Variants in MROH1 observed in about 807,000 individuals in gnomAD.
MROH1 encodes the protein maestro heat like repeat family member 1.
MROH1 carries 117 observed loss-of-function variants against 116.5 expected under a neutral mutation model. The ratio of observed to expected loss-of-function variants is 1.00; its 90% CI spans 0.86 to 1.17. The LOEUF (loss-of-function observed/expected upper bound fraction) is 1.17. Among genes scored for constraint, MROH1 ranks in the 50% most tolerant of loss-of-function variants. The pLI is 0.00. For missense variants in MROH1, 1,873 were observed against 1,338.5 expected (o/e 1.40, Z -6.23); for synonymous variants, 921 against 583.9 (o/e 1.58, Z -8.32).
In MROH1 at chr8:144,260,797, C is replaced by T; in HGVS notation, c.4501C>T (p.Leu1501=). The T allele has an allele frequency of 1.3e-6, 1 of 778,198 alleles. No individual in the cohort carries two copies. Among genetic ancestry groups the T allele is most frequent in the Admixed American group, 1.7e-5 (1 of 59,040 alleles). The allele number at this position is 778,198 out of a possible 1,614,324, so 48.2% of individuals were successfully genotyped here. ...GGTGGGCGGGCTGGCGCCCCTGCTG[C>T]TGCACCTGCAGGACCCTCAGGCCAC... ...QVVGGLAPLL[L]HLQDPQATVA... is the part of the protein sequence containing the mutation. The change falls in exon 40 of 44, where the codon CTG becomes TTG. Residue 1501 remains leucine, a synonymous_variant. Coordinates refer to ENST00000326134, the MANE Select transcript of MROH1 (RefSeq NM_032450.3).
chr8:144,157,824 G>T (rs7821909), intron 1 of MROH1, among the ~76,000 whole-genome samples: 1 of 150,860 alleles, frequency 6.6e-6, no homozygotes, highest in African/African-American at 2.4e-5. Flanking sequence ...ACTACAGGTG[G>T]GTGCCACCAT....
intron 5 of MROH1, among the ~76,000 whole-genome samples, chr8:144,179,885 T>C (rs922674580): frequency 1.3e-5 from 2 of 152,010 alleles, no homozygotes; most frequent in Admixed American, 6.6e-5. Flanking sequence ...TGCAGGGCTC[T>C]GGTGGGCCTA....
At position 144,260,815 on chromosome 8, in the gene MROH1, C is replaced by G. The variant is rs1342580583; in HGVS notation, c.4519C>G (p.Gln1507Glu). 2.4e-5 allele frequency: 19 copies of G among 778,106 alleles called. No homozygotes were observed. The highest frequency in any genetic ancestry group is 5.1e-5 in the Admixed American group (3 of 59,034). 48.2% of individuals were successfully genotyped at this position (778,106 alleles called of 1,614,324 possible). A position where few individuals can be genotyped will look rare whatever the true frequency, so the allele number is the denominator to read the frequency against. ...CCTGCTGCTGCACCTGCAGGACCCT[C>G]AGGCCACCGTGGCCAGCGTGAGTAG... ...APLLLHLQDP[Q>E]ATVASACRFA... Residue 1507 changes from glutamine (Q) to glutamate (E), a missense_variant, in exon 40 of 44, where the codon CAG becomes GAG. Transcript: ENST00000326134.
intron 35 of MROH1, among the ~76,000 whole-genome samples, chr8:144,257,688 C>T (rs1030911975): frequency 6.6e-6 from 1 of 152,228 alleles, no homozygotes; most frequent in Non-Finnish European, 1.5e-5. Flanking sequence ...CCTGCTAGGC[C>T]CACTCCACGT....
intron 1 of MROH1, among the ~76,000 whole-genome samples, chr8:144,151,788 C>T (rs1191366586): frequency 6.6e-6 from 1 of 152,210 alleles, no homozygotes; most frequent in Non-Finnish European, 1.5e-5. Context: ...TCTCTGTGCT[C>T]CCCCTAGAGG....
Position 144,180,084 on chromosome 8 carries a change from G to C in MROH1, c.301-94G>C. On this transcript the variant is annotated intron_variant, in intron 5 of 43. Coordinates refer to ENST00000326134, the MANE Select transcript of MROH1 (RefSeq NM_032450.3). This position sits in a 1 kb window ranked among gnomAD's most constrained non-coding sequence, Gnocchi z 7.4. ...CTGACCTGCACTTTCTGGGGACGCT[G>C]AAAACAGCGTGCGCTTGTCCAAGGC... The C allele has an allele frequency of 6.6e-7, 1 of 1,504,010 alleles. No individual in the cohort carries two copies. Among genetic ancestry groups the C allele is most frequent in the East Asian group, 2.3e-5 (1 of 44,022 alleles). 93.2% of individuals were successfully genotyped at this position (1,504,010 alleles called of 1,614,324 possible).
chr8:144,215,683 A>G (rs1445035191), intron 12 of MROH1, among the ~76,000 whole-genome samples: 3 of 151,586 alleles, frequency 2.0e-5, no homozygotes, highest in East Asian at 1.9e-4. Flanking sequence ...CATCCTGGCT[A>G]ACACGGTGAA....
chr8:144,243,425 A>C, intron 24 of MROH1, 69 bp from the exon 25 acceptor site: 1 of 766,914 alleles, frequency 1.3e-6, no homozygotes. Context: ...AGGAAAGAAA[A>C]GGGGGTATGC....
intron 33 of MROH1, chr8:144,250,734 T>A: frequency 2.6e-6 from 1 of 389,478 alleles, no homozygotes; most frequent in Non-Finnish European, 4.9e-6. Flanking sequence ...TTCCGGCTAC[T>A]CCAAGCCTTG....
chr8:144,241,197 C>G, intron 21 of MROH1, 86 bp downstream of exon 21: 1 of 706,172 alleles, frequency 1.4e-6, no homozygotes. Context: ...AGCTGGCTAG[C>G]CTGTGTGCCT....
intron 1 of MROH1, 125 bp from the exon 2 acceptor site, chr8:144,160,845 A>T (rs1819350975): frequency 6.6e-6 from 1 of 152,616 alleles, no homozygotes; most frequent in Non-Finnish European, 1.5e-5. Flanking sequence ...TTGGAGTCAG[A>T]AGTCTACCAA....
At chr8:144,240,406 A>G (rs1840765345) in intron 19 of MROH1, among the ~76,000 whole-genome samples, 164 bp from the exon 20 acceptor site, 2 of 152,058 alleles carry the variant, frequency 1.3e-5, no homozygotes, top group Non-Finnish European at 2.9e-5. Flanking sequence ...TGGTGAGCCA[A>G]CTGTGGCATG....
intron 14 of MROH1, among the ~76,000 whole-genome samples, chr8:144,237,591 T>C (rs1840271118): frequency 6.6e-6 from 1 of 152,286 alleles, no homozygotes; most frequent in Admixed American, 6.5e-5. Flanking sequence ...TAGCTTTTTC[T>C]TCTTCCATTC....
At chr8:144,201,480 C>T (rs1196825868) in intron 12 of MROH1, among the ~76,000 whole-genome samples, 2 of 152,240 alleles carry the variant, frequency 1.3e-5, no homozygotes, top group Non-Finnish European at 2.9e-5. Flanking sequence ...CCCACCGGCC[C>T]TGCAGCCTGC....
chr8:144,226,402 C>CGGCATCTGTCATCATCTGT (rs1370158222), intron 14 of MROH1, among the ~76,000 whole-genome samples: 2 of 152,280 alleles, frequency 1.3e-5, no homozygotes, highest in East Asian at 3.9e-4. Context: ...CACTCATCTG[C>CGGCATCTGTCATCATCTGT]GGCATCTGTC....
At chr8:144,157,078 C>T (rs1436549314) in intron 1 of MROH1, among the ~76,000 whole-genome samples, 3 of 152,226 alleles carry the variant, frequency 2.0e-5, no homozygotes, top group Non-Finnish European at 4.4e-5. Context: ...GCCTCAGCCT[C>T]CTGAGTAGCC....
Position 144,163,791 on chromosome 8 carries a change from T to C in MROH1, c.-36T>C, listed in dbSNP as rs752878010. 9 of 1,612,594 alleles carry C rather than the reference T, an allele frequency of 5.6e-6. No individual in the cohort carries two copies. The highest frequency in any genetic ancestry group is 7.6e-6 in the Non-Finnish European group (9 of 1,179,048). On this transcript the variant is annotated 5_prime_UTR_variant, in exon 3 of 44. The change abolishes an upstream ATG in the 5' untranslated region. Transcript: ENST00000326134. The surrounding 1 kb of genome is among the most constrained non-coding windows in gnomAD (Gnocchi z 4.4). The stretch of plus-strand genomic sequence containing the variant: ...TCCAGATGGGAGAAGAAGTTGTCCA[T>C]GTTCACACTGGGTGAAGGAAGCTGA...
At chr8:144,245,301 T>G (rs62532292) in intron 29 of MROH1, 41 bp downstream of exon 29, 428,016 of 768,896 alleles carry the variant, frequency 0.56, 120,490 homozygotes, top group East Asian at 0.73. Context: ...GCTGCCTGTG[T>G]TACTCATGAC....
chr8:144,197,246 G>A (rs184329074), intron 10 of MROH1, among the ~76,000 whole-genome samples: 1 of 152,064 alleles, frequency 6.6e-6, no homozygotes, highest in East Asian at 1.9e-4. Context: ...AGGCTCTACT[G>A]GGGTTGGAGG....
Sources: allele counts gnomAD v4.1 joint callset (sites outside exome capture counted in the v4.1 genomes callset), GRCh38; gene constraint gnomAD v4.1.1; non-coding constraint Gnocchi (gnomAD v3.1); transcripts MANE v1.5; gene names NCBI Gene and HGNC (gene_info 2026-07-23, HGNC 2026-07-21).